PRKCE: variants seen among roughly 807,000 people sequenced by gnomAD.
The protein encoded by PRKCE is protein kinase C epsilon, also known as protein kinase C epsilon type.
In PRKCE, 16 loss-of-function variants were observed where a neutral mutation model predicts 85.4. The observed-to-expected ratio is 0.19, with a 90% CI of 0.13 to 0.28. PRKCE has a LOEUF of 0.28. Among genes scored for constraint, PRKCE ranks in the 10% least tolerant of loss-of-function variants. PRKCE has a pLI of 1.00. For synonymous variants in PRKCE, 388 were observed against 371.5 expected (o/e 1.04, Z -0.51); for missense variants, 573 against 975.2 (o/e 0.59, Z 5.49).
At chr2:46,077,192 C>G (rs540082171) in intron 10 of PRKCE, among the ~76,000 whole-genome samples, 1 of 151,848 alleles carries the variant, frequency 6.6e-6, no homozygotes, top group African/African-American at 2.4e-5. Flanking sequence ...CACACACGCA[C>G]GCGCACACCC....
chr2:45,735,731 A>G (rs1044031217), intron 1 of PRKCE, among the ~76,000 whole-genome samples: 2 of 152,190 alleles, frequency 1.3e-5, no homozygotes, highest in Non-Finnish European at 2.9e-5. Context: ...CACTTGTCTG[A>G]AGGTGCACAT....
At chr2:46,039,536 T>C (rs1708096525) in intron 10 of PRKCE, among the ~76,000 whole-genome samples, 1 of 152,046 alleles carries the variant, frequency 6.6e-6, no homozygotes, top group Admixed American at 6.6e-5. Flanking sequence ...GTTTTTTTGT[T>C]TGTTTGTTTT....
chr2:46,158,840 T>C (rs192010971), intron 13 of PRKCE, among the ~76,000 whole-genome samples: 8 of 152,300 alleles, frequency 5.3e-5, no homozygotes, highest in African/African-American at 7.2e-5. Flanking sequence ...GTATGCTCAA[T>C]TAAATTAACG....
At chr2:45,690,510 ATTG>A (rs1677647774) in intron 1 of PRKCE, among the ~76,000 whole-genome samples, 1 of 152,224 alleles carries the variant, frequency 6.6e-6, no homozygotes, top group African/African-American at 2.4e-5. Flanking sequence ...CCGTGTGAGA[ATTG>A]TTGTTCCTGT....
intron 11 of PRKCE, among the ~76,000 whole-genome samples, chr2:46,089,104 C>A (rs149577297): frequency 6.6e-6 from 1 of 151,812 alleles, no homozygotes; most frequent in East Asian, 1.9e-4. Context: ...TCCCCACTTG[C>A]CTTCCCATTG....
chr2:45,827,886 G>C (rs1347349036), intron 1 of PRKCE, among the ~76,000 whole-genome samples: 1 of 152,172 alleles, frequency 6.6e-6, no homozygotes, highest in Non-Finnish European at 1.5e-5. Context: ...TTTACTTTAT[G>C]TTATATAAAT....
intron 5 of PRKCE, among the ~76,000 whole-genome samples, chr2:45,983,758 C>T (rs1488798481): frequency 6.6e-6 from 1 of 152,010 alleles, no homozygotes; most frequent in Non-Finnish European, 1.5e-5. Flanking sequence ...TCTTAGTGCT[C>T]ACCATTCTGT....
chr2:45,978,835 T>A, intron 3 of PRKCE, 141 bp from the exon 4 acceptor site: 1 of 685,260 alleles, frequency 1.5e-6, no homozygotes, highest in African/African-American at 1.8e-5. Flanking sequence ...ACCTTGCAAG[T>A]GAGAGAGAAA....
At chr2:45,789,612 CAG>C (rs1465216369) in intron 1 of PRKCE, among the ~76,000 whole-genome samples, 1 of 152,056 alleles carries the variant, frequency 6.6e-6, no homozygotes, top group Non-Finnish European at 1.5e-5. Flanking sequence ...GCCTGGGCAA[CAG>C]AGTGAGACTG....
chr2:46,044,933 C>T (rs1708429200), intron 10 of PRKCE, among the ~76,000 whole-genome samples: 1 of 152,174 alleles, frequency 6.6e-6, no homozygotes, highest in African/African-American at 2.4e-5. Flanking sequence ...ATGTTTGTAT[C>T]TTCTTATTCT....
intron 2 of PRKCE, among the ~76,000 whole-genome samples, chr2:45,973,746 A>G (rs1373257223): frequency 6.6e-6 from 1 of 152,228 alleles, no homozygotes; most frequent in East Asian, 1.9e-4. Context: ...CACAGTTTAG[A>G]ACGATTGGTT....
chr2:45,814,982 A>G (rs1223191957), intron 1 of PRKCE, among the ~76,000 whole-genome samples: 1 of 152,112 alleles, frequency 6.6e-6, no homozygotes, highest in Non-Finnish European at 1.5e-5. Flanking sequence ...TCTGCTCCAA[A>G]GCTCCATGTT....
At chr2:46,000,732 T>A (rs1704611851) in intron 6 of PRKCE, among the ~76,000 whole-genome samples, 1 of 152,222 alleles carries the variant, frequency 6.6e-6, no homozygotes, top group Non-Finnish European at 1.5e-5. Context: ...CAGGCTTGTC[T>A]GCTCTGAGCC....
In PRKCE at chr2:46,187,542, C is replaced by CCTTTCT. The variant is rs1398714093; in HGVS notation, c.*2670_*2675dup. On this transcript the variant is annotated 3_prime_UTR_variant, in exon 15 of 15. Coordinates refer to ENST00000306156, the MANE Select transcript of PRKCE (RefSeq NM_005400.3). Reference sequence around the variant, plus strand: ...TTTTCTGATCTTTCCAGCCCCACCCCCTTTCTCTTTCTCTCTCTCTCTCAA... The same window carrying CCTTTCT: ...TTTTCTGATCTTTCCAGCCCCACCCCCTTTCTCTTTCTCTTTCTCTCTCTCTCTCAA... 1.3e-5 allele frequency: 2 copies of CCTTTCT among 152,310 alleles called. No individual in the cohort carries two copies. The highest frequency in any genetic ancestry group is 2.9e-5 in the Non-Finnish European group (2 of 68,002). 9.4% of individuals were successfully genotyped at this position (152,310 alleles called of 1,614,324 possible).
intron 1 of PRKCE, among the ~76,000 whole-genome samples, chr2:45,661,250 T>C (rs1236985767): frequency 6.6e-6 from 1 of 151,952 alleles, no homozygotes; most frequent in Non-Finnish European, 1.5e-5. Flanking sequence ...TGGCATGATA[T>C]CGGATCACTG....
chr2:45,917,960 T>C (rs1420217181), intron 2 of PRKCE, among the ~76,000 whole-genome samples: 3 of 152,268 alleles, frequency 2.0e-5, no homozygotes, highest in African/African-American at 7.2e-5. Context: ...GGCGGCCGGC[T>C]GCTCCGAGTG....
intron 1 of PRKCE, chr2:45,686,406 G>A (rs1677302368): frequency 6.6e-6 from 1 of 152,200 alleles, no homozygotes; most frequent in Admixed American, 6.5e-5. Flanking sequence ...GTGGGCACTA[G>A]CTGATGCACT....
At chr2:45,938,037 G>A (rs908142958) in intron 2 of PRKCE, among the ~76,000 whole-genome samples, 1 of 152,192 alleles carries the variant, frequency 6.6e-6, no homozygotes, top group African/African-American at 2.4e-5. Context: ...GTCACTCAGA[G>A]GGTCCCGACC....
At chr2:46,174,559 G>T (rs1324406976) in intron 14 of PRKCE, among the ~76,000 whole-genome samples, 1 of 152,186 alleles carries the variant, frequency 6.6e-6, no homozygotes, top group African/African-American at 2.4e-5. Context: ...AGCTGGTGAG[G>T]CATGCAGCCC....
Sources: allele counts gnomAD v4.1 joint callset (sites outside exome capture counted in the v4.1 genomes callset), GRCh38; gene constraint gnomAD v4.1.1; transcripts MANE v1.5; gene names NCBI Gene and HGNC (gene_info 2026-07-23, HGNC 2026-07-21).